The following BMF variants were observed in gnomAD, a reference collection of about 807,000 sequenced individuals.
The protein encoded by BMF is bcl-2-modifying factor.
In BMF, 10 loss-of-function variants were observed where a neutral mutation model predicts 22.0. The observed-to-expected ratio is 0.45, with a 90% confidence interval of 0.28 to 0.77. BMF has a LOEUF of 0.77. Among genes scored for constraint, BMF ranks in the 30% least tolerant of loss-of-function variants. The pLI is 0.13. For missense variants in BMF, 206 were observed against 226.8 expected, an observed-to-expected ratio of 0.91 and a Z score of 0.59; for synonymous variants, 87 against 88.1, an observed-to-expected ratio of 0.99 and a Z score of 0.07.
At chr15:40,104,055 C>T (rs763078024) in intron 4 of BMF, 125 bp downstream of exon 4, 11 of 1,349,480 alleles carry the variant, frequency 8.2e-6, no homozygotes, top group Non-Finnish European at 1.1e-5. Flanking sequence ...CCGCCATAAC[C>T]AAAACTCTGG....
chr15:40,104,171 C>T lies in BMF; in HGVS notation c.453+9G>A, dbSNP rs746887985. ...ACTCAACCCTCCTCCCCTAAACCCCCGTGCCTACTTGCTGCACATGAAGCC... is the reference window on the plus strand; with the variant it reads ...ACTCAACCCTCCTCCCCTAAACCCCTGTGCCTACTTGCTGCACATGAAGCC... On this transcript the variant is annotated intron_variant, in intron 4 of 4. Coordinates refer to ENST00000354670, the MANE Select transcript of BMF (RefSeq NM_001003940.2). 4.8e-5 allele frequency: 77 copies of T among 1,613,962 alleles called. No homozygotes were observed. The highest frequency in any genetic ancestry group is 1.7e-4 in the African/African-American group (13 of 74,934).
intron 4 of BMF, among the ~76,000 whole-genome samples, chr15:40,096,842 A>G (rs1357224196): frequency 6.6e-6 from 1 of 152,240 alleles, no homozygotes; most frequent in African/African-American, 2.4e-5. Context: ...TTTCAGAGGC[A>G]GAGCTAACTG....
chr15:40,091,921 A>C, intron 4 of BMF, 33 bp from the exon 5 acceptor site: 3 of 1,471,986 alleles, frequency 2.0e-6, no homozygotes, highest in Non-Finnish European at 2.8e-6. Context: ...GACCAACATA[A>C]CTCCCAAACG....
Position 40,095,717 on chromosome 15 carries a change from G to A in BMF, c.454-3829C>T, listed in dbSNP as rs181388878. Reference sequence around the variant, plus strand: ...GGACTCACATGGTTTAGAAGGCAGGGCCAAGGAATGGAGGGAATGAATAGA... The same window carrying A: ...GGACTCACATGGTTTAGAAGGCAGGACCAAGGAATGGAGGGAATGAATAGA... On this transcript the variant is annotated intron_variant, in intron 4 of 4. Coordinates refer to ENST00000354670, the MANE Select transcript of BMF (RefSeq NM_001003940.2). Among the ~76,000 whole-genome samples the A allele has an allele frequency of 5.1e-3, 779 of 152,306 alleles. 31 individuals are homozygous for A. Among genetic ancestry groups the A allele is most frequent in the Admixed American group, 0.044 (667 of 15,306 alleles).
chr15:40,105,711 C>T, intron 3 of BMF, 84 bp downstream of exon 3: 1 of 1,453,816 alleles, frequency 6.9e-7, no homozygotes, highest in African/African-American at 1.4e-5. Context: ...GGGAAGGAAA[C>T]AGCAAAGGGC....
intron 4 of BMF, among the ~76,000 whole-genome samples, chr15:40,094,537 T>C (rs1307692006): frequency 6.6e-6 from 1 of 152,170 alleles, no homozygotes; most frequent in Non-Finnish European, 1.5e-5. Flanking sequence ...ATCAACCTGC[T>C]CATGAGTTCT....
In BMF at chr15:40,089,660, T is replaced by C. The variant is rs2036197925; in HGVS notation, c.*2127A>G. On this transcript the variant is annotated 3_prime_UTR_variant, in exon 5 of 5. Transcript: ENST00000354670. ...CATTTTCTCTCTCACTGAACTCAGG[T>C]GGAGAGTCTGCCAAAAGGGGTGAAT... 6.6e-6 allele frequency: 1 copy of C among 152,194 alleles called. No homozygotes were observed. The highest frequency in any genetic ancestry group is 2.4e-5 in the African/African-American group (1 of 41,454). 9.4% of individuals were successfully genotyped at this position (152,194 alleles called of 1,614,324 possible).
chr15:40,098,160 G>A (rs2036403976), intron 4 of BMF, among the ~76,000 whole-genome samples: 1 of 152,176 alleles, frequency 6.6e-6, no homozygotes, highest in African/African-American at 2.4e-5. Flanking sequence ...CTTCTCTAAG[G>A]AAAAAAGAGC....
At chr15:40,104,429 G>A (rs2036543430) in intron 3 of BMF, 89 bp from the exon 4 acceptor site, 1 of 1,525,952 alleles carries the variant, frequency 6.6e-7, no homozygotes, top group African/African-American at 1.4e-5. Flanking sequence ...ATTGGAGGCT[G>A]AGGGTAAATC....
At chr15:40,101,043 C>A (rs1321547468) in intron 4 of BMF, among the ~76,000 whole-genome samples, 1 of 152,170 alleles carries the variant, frequency 6.6e-6, no homozygotes, top group Non-Finnish European at 1.5e-5. Context: ...CTCTCTAAAT[C>A]CAGCCCGCAA....
intron 4 of BMF, among the ~76,000 whole-genome samples, chr15:40,101,718 C>A (rs1003816042): frequency 4.6e-5 from 7 of 152,210 alleles, no homozygotes; most frequent in African/African-American, 1.7e-4. Context: ...GAAGCCATCA[C>A]CTTAGCCCTT....
chr15:40,104,043 A>T (rs2036533408), intron 4 of BMF, 137 bp downstream of exon 4: 1 of 1,164,278 alleles, frequency 8.6e-7, no homozygotes, highest in Non-Finnish European at 1.2e-6. Context: ...TGCCCATGGG[A>T]ACCGCCATAA....
chr15:40,092,720 G>T (rs2036266008), intron 4 of BMF, among the ~76,000 whole-genome samples: 1 of 152,306 alleles, frequency 6.6e-6, no homozygotes, highest in Non-Finnish European at 1.5e-5. Flanking sequence ...AAGTTCAGGG[G>T]TCAGTGGCTC....
chr15:40,108,221 C>CG (rs1202090645), intron 2 of BMF, 38 bp downstream of exon 2: 1 of 140,344 alleles, frequency 7.1e-6, no homozygotes, highest in African/African-American at 3.2e-5. Context: ...TGACTAGGAA[C>CG]ACACACACAC....
rs2036236107 is a variant in BMF, at chr15:40,091,774, G to C, written c.*13C>G. 1.9e-6 allele frequency: 3 copies of C among 1,592,704 alleles called. No individual in the cohort carries two copies. Among genetic ancestry groups the C allele is most frequent in the Admixed American group, 3.4e-5 (2 of 58,358 alleles). ...GTGTTCCTGGTGCCCCATGTGAAGA[G>C]GGCAGCCCACCCTCACCTAGGGCCT... On this transcript the variant is annotated 3_prime_UTR_variant, in exon 5 of 5. Coordinates refer to ENST00000354670, the MANE Select transcript of BMF (RefSeq NM_001003940.2).
rs138379343 is a variant in BMF at position 40,097,564 on chromosome 15, T to A, written c.454-5676A>T. ...GACCATGGTTCCAGAATCCATCAAATCTGTATGACGCCTAGCTCAGCAAAT... is the reference window on the plus strand; with the variant it reads ...GACCATGGTTCCAGAATCCATCAAAACTGTATGACGCCTAGCTCAGCAAAT... On this transcript the variant is annotated intron_variant, in intron 4 of 4. Coordinates refer to ENST00000354670, the MANE Select transcript of BMF (RefSeq NM_001003940.2). 7.4e-3 allele frequency among the ~76,000 whole-genome samples: 1,122 copies of A among 152,254 alleles called. 16 individuals carry two copies. The highest frequency in any genetic ancestry group is 0.026 in the African/African-American group (1,062 of 41,534).
intron 4 of BMF, among the ~76,000 whole-genome samples, chr15:40,103,354 G>A (rs1448709359): frequency 6.6e-6 from 1 of 152,240 alleles, no homozygotes; most frequent in African/African-American, 2.4e-5. Context: ...CCCAGCCTTG[G>A]CAGCCATCCA....
chr15:40,101,603 T>C (rs2036477230), intron 4 of BMF, among the ~76,000 whole-genome samples: 1 of 152,202 alleles, frequency 6.6e-6, no homozygotes. Flanking sequence ...TTTCTAGATA[T>C]GAAATCTTAG....
chr15:40,107,376 A>T (rs992217341), intron 2 of BMF, among the ~76,000 whole-genome samples: 6 of 152,188 alleles, frequency 3.9e-5, no homozygotes, highest in African/African-American at 2.4e-5. Context: ...TGCCAAACAC[A>T]AGCTGTGAGC....
Sources: gnomAD v4.1 joint callset for allele counts (sites outside exome capture counted in the v4.1 genomes callset) on GRCh38, gnomAD v4.1.1 for gene constraint, MANE v1.5 for transcripts, NCBI Gene and HGNC (gene_info 2026-07-23, HGNC 2026-07-21) for gene names.